CDH12: variants seen among roughly 807,000 people sequenced by gnomAD.
CDH12 encodes cadherin-12.
A neutral mutation model predicts 74.1 loss-of-function variants in CDH12; 41 were observed. The observed-to-expected ratio is 0.55, with a 90% CI of 0.43 to 0.72. The LOEUF (loss-of-function observed/expected upper bound fraction) is 0.72, where lower values mean the gene tolerates loss of function less well. Ranked by LOEUF, CDH12 falls within the 30% of genes least tolerant of loss-of-function variation. CDH12 has a pLI of 0.00. For synonymous variants in CDH12, 399 were observed against 355.0 expected (o/e 1.12, Z -1.39); for missense variants, 945 against 977.2 (o/e 0.97, Z 0.44).
intron 6 of CDH12, among the ~76,000 whole-genome samples, chr5:21,973,058 A>AG (rs2150120926): frequency 6.6e-6 from 1 of 150,622 alleles, no homozygotes; most frequent in Admixed American, 6.6e-5. Flanking sequence ...AAAAAAAAAA[A>AG]AAAAAAAATA....
intron 6 of CDH12, chr5:21,883,121 T>A: frequency 6.3e-7 from 1 of 1,581,552 alleles, no homozygotes; most frequent in Non-Finnish European, 8.7e-7. Flanking sequence ...TTTCTGCAAA[T>A]GGAGACAAAG....
intron 6 of CDH12, among the ~76,000 whole-genome samples, chr5:21,926,653 T>A (rs931171885): frequency 6.6e-6 from 1 of 152,170 alleles, no homozygotes; most frequent in African/African-American, 2.4e-5. Flanking sequence ...AAAGCAAGAT[T>A]TAATATCTCT....
chr5:22,328,702 G>C (rs192915266), intron 3 of CDH12, among the ~76,000 whole-genome samples: 2 of 152,092 alleles, frequency 1.3e-5, no homozygotes, highest in African/African-American at 4.8e-5. Context: ...ATTGATGAAG[G>C]CTTTGAATAG....
Position 22,630,682 on chromosome 5 carries a change from T to C in CDH12, c.-522-125318A>G, listed in dbSNP as rs1222341485. On this transcript the variant is annotated intron_variant, in intron 1 of 14. Transcript: ENST00000382254. ...AACTTAAAACCTGTAACTATCAAAA[T>C]CCTTGAAGATATTCTAGGAAATGCC... 3.3e-5 allele frequency among the ~76,000 whole-genome samples: 5 copies of C among 152,030 alleles called. No individual in the cohort carries two copies. The East Asian group carries it at 7.7e-4, about 23-fold the overall frequency.
chr5:22,617,988 A>G (rs541359628), intron 1 of CDH12, among the ~76,000 whole-genome samples: 5 of 152,256 alleles, frequency 3.3e-5, no homozygotes, highest in Non-Finnish European at 5.9e-5. Context: ...AAGATAAATT[A>G]TGCCCATTTG....
chr5:21,913,987 T>C (rs1470370178), intron 6 of CDH12, among the ~76,000 whole-genome samples: 1 of 152,144 alleles, frequency 6.6e-6, no homozygotes, highest in Non-Finnish European at 1.5e-5. Context: ...CCCAGCCCTG[T>C]TTCATACTTT....
intron 4 of CDH12, among the ~76,000 whole-genome samples, chr5:22,128,592 C>A (rs1580295369): frequency 6.6e-6 from 1 of 152,038 alleles, no homozygotes; most frequent in East Asian, 1.9e-4. Flanking sequence ...ACTATAAGTA[C>A]AAATTTAAAA....
chr5:22,213,070 G>A (rs1195822393), intron 3 of CDH12, among the ~76,000 whole-genome samples: 1 of 152,194 alleles, frequency 6.6e-6, no homozygotes, highest in Non-Finnish European at 1.5e-5. Flanking sequence ...TAGACTGATA[G>A]AGCTGATTTG....
chr5:21,939,735 C>T (rs1755246864), intron 6 of CDH12, among the ~76,000 whole-genome samples: 1 of 152,132 alleles, frequency 6.6e-6, no homozygotes, highest in East Asian at 1.9e-4. Flanking sequence ...GTGCTTTTAA[C>T]TCTGAAAACC....
In CDH12 at chr5:22,694,836, A is replaced by G. The variant is rs539891519; in HGVS notation, c.-523+158222T>C. ...ATATATATACATATATATGTATATA[A>G]TTTTACTTTAGGTTCTGGATTACAT... is the stretch of plus-strand genomic sequence containing the variant. On this transcript the variant is annotated intron_variant, in intron 1 of 14. Coordinates refer to ENST00000382254, the MANE Select transcript of CDH12 (RefSeq NM_004061.5). Among the ~76,000 whole-genome samples the G allele has an allele frequency of 2.6e-5, 4 of 151,762 alleles. No homozygotes were observed. In the South Asian group the frequency reaches 6.2e-4, roughly 24 times the overall value.
At chr5:22,082,689 A>G (rs1329158894) in intron 4 of CDH12, among the ~76,000 whole-genome samples, 1 of 152,194 alleles carries the variant, frequency 6.6e-6, no homozygotes, top group Non-Finnish European at 1.5e-5. Flanking sequence ...AAGCTAATTC[A>G]CCAACACATA....
At chr5:21,860,355 G>A (rs1750980774) in intron 6 of CDH12, among the ~76,000 whole-genome samples, 1 of 152,022 alleles carries the variant, frequency 6.6e-6, no homozygotes, top group South Asian at 2.1e-4. Context: ...TAAGTTAGGT[G>A]TAATTATGAC....
At chr5:22,193,424 T>G (rs1561207675) in intron 4 of CDH12, among the ~76,000 whole-genome samples, 1 of 152,216 alleles carries the variant, frequency 6.6e-6, no homozygotes, top group Non-Finnish European at 1.5e-5. Flanking sequence ...TTACATAACA[T>G]GTAAGTATTT....
intron 1 of CDH12, among the ~76,000 whole-genome samples, chr5:22,806,940 A>G (rs1272696275): frequency 2.0e-5 from 3 of 152,068 alleles, no homozygotes; most frequent in Non-Finnish European, 4.4e-5. Flanking sequence ...AACTCTGATG[A>G]TAGTTTCTTT....
chr5:22,816,602 C>A (rs1030021682), intron 1 of CDH12, among the ~76,000 whole-genome samples: 2 of 152,100 alleles, frequency 1.3e-5, no homozygotes, highest in African/African-American at 4.8e-5. Context: ...TGCTGCCCTG[C>A]AAAAGAAGAT....
At chr5:22,368,381 C>T (rs1053019716) in intron 3 of CDH12, among the ~76,000 whole-genome samples, 1 of 151,886 alleles carries the variant, frequency 6.6e-6, no homozygotes, top group Non-Finnish European at 1.5e-5. Flanking sequence ...TCACTGCAGC[C>T]TCAACCTACC....
chr5:22,583,151 A>G (rs1197627653), intron 1 of CDH12, among the ~76,000 whole-genome samples: 1 of 152,188 alleles, frequency 6.6e-6, no homozygotes, highest in South Asian at 2.1e-4. Context: ...GGTTCTTACC[A>G]AAGTGTTCAA....
At chr5:22,362,830 G>A (rs1052772427) in intron 3 of CDH12, among the ~76,000 whole-genome samples, 30 of 149,428 alleles carry the variant, frequency 2.0e-4, no homozygotes, top group Non-Finnish European at 3.5e-4. Context: ...CTATCCCAAG[G>A]ACAAAAACCC....
intron 6 of CDH12, among the ~76,000 whole-genome samples, chr5:21,874,332 A>T (rs1354902117): frequency 6.6e-6 from 1 of 152,194 alleles, no homozygotes; most frequent in Non-Finnish European, 1.5e-5. Context: ...GACTAGCTGG[A>T]TTTCCTAGGC....
Sources: allele counts gnomAD v4.1 joint callset (sites outside exome capture counted in the v4.1 genomes callset), GRCh38; gene constraint gnomAD v4.1.1; transcripts MANE v1.5; gene names NCBI Gene and HGNC (gene_info 2026-07-23, HGNC 2026-07-21).